Variants in SSH2 observed in about 807,000 individuals in gnomAD.
SSH2 encodes the protein protein phosphatase Slingshot homolog 2.
A neutral mutation model predicts 135.2 loss-of-function variants in SSH2; 37 were observed. The ratio of observed to expected loss-of-function variants is 0.27; its 90% CI spans 0.21 to 0.36. SSH2 has a LOEUF of 0.36. Ranked by LOEUF, SSH2 falls within the 10% of genes least tolerant of loss-of-function variation. The pLI is 1.00. For missense variants in SSH2, 1,408 were observed against 1,765.3 expected, an observed-to-expected ratio of 0.80 and a Z score of 3.63; for synonymous variants, 628 against 646.2, an observed-to-expected ratio of 0.97 and a Z score of 0.43.
At chr17:29,801,249 T>C (rs969172087) in intron 2 of SSH2, among the ~76,000 whole-genome samples, 5 of 152,212 alleles carry the variant, frequency 3.3e-5, no homozygotes, top group African/African-American at 9.7e-5. Flanking sequence ...AAATAAAATA[T>C]GTCTGGAAAA....
intron 3 of SSH2, among the ~76,000 whole-genome samples, chr17:29,719,551 G>A (rs2039749469): frequency 6.6e-6 from 1 of 151,728 alleles, no homozygotes; most frequent in Non-Finnish European, 1.5e-5. Context: ...AAGAAAAGGG[G>A]ACTTTGTAAC....
At chr17:29,734,222 A>G (rs2040294349) in intron 3 of SSH2, among the ~76,000 whole-genome samples, 1 of 152,096 alleles carries the variant, frequency 6.6e-6, no homozygotes, top group Admixed American at 6.6e-5. Context: ...CATCTGGCCT[A>G]ATTTCTAAGT....
At chr17:29,805,497 C>T (rs531432512) in intron 2 of SSH2, among the ~76,000 whole-genome samples, 2 of 152,170 alleles carry the variant, frequency 1.3e-5, no homozygotes, top group African/African-American at 4.8e-5. Context: ...GACGTTGGTC[C>T]GCTGGTGTGC....
intron 3 of SSH2, chr17:29,761,168 T>C (rs1391540472): frequency 1.6e-6 from 2 of 1,289,520 alleles, no homozygotes; most frequent in Admixed American, 2.3e-5. Context: ...GATGGCGTTC[T>C]GCGAGATGAC....
At chr17:29,754,575 T>C (rs911080879) in intron 3 of SSH2, among the ~76,000 whole-genome samples, 1 of 152,100 alleles carries the variant, frequency 6.6e-6, no homozygotes, top group Non-Finnish European at 1.5e-5. Context: ...TAAGATAACC[T>C]CAACAGCAAA....
At chr17:29,813,030 A>AT (rs1435056221) in intron 2 of SSH2, among the ~76,000 whole-genome samples, 2 of 152,256 alleles carry the variant, frequency 1.3e-5, no homozygotes, top group Admixed American at 1.3e-4. Flanking sequence ...CGTATATAAA[A>AT]GAATGAATTA....
intron 3 of SSH2, chr17:29,761,265 T>G: frequency 7.8e-7 from 1 of 1,288,706 alleles, no homozygotes; most frequent in South Asian, 1.2e-5. Context: ...CGGGCCAACG[T>G]GCTCAGGGTC....
chr17:29,808,542 A>C (rs1323874752), intron 2 of SSH2, among the ~76,000 whole-genome samples: 1 of 152,262 alleles, frequency 6.6e-6, no homozygotes, highest in Non-Finnish European at 1.5e-5. Flanking sequence ...AATGCCAACA[A>C]CAGCACTCAT....
At chr17:29,692,400 A>G (rs1193772387) in intron 5 of SSH2, among the ~76,000 whole-genome samples, 1 of 152,224 alleles carries the variant, frequency 6.6e-6, no homozygotes, top group Non-Finnish European at 1.5e-5. Flanking sequence ...TGTGTTTGTA[A>G]CAACTCAAAA....
intron 3 of SSH2, among the ~76,000 whole-genome samples, chr17:29,749,033 C>T (rs573367010): frequency 1.3e-5 from 2 of 152,120 alleles, no homozygotes; most frequent in East Asian, 1.9e-4. Context: ...AATATTATTC[C>T]GTAGATATAA....
intron 9 of SSH2, among the ~76,000 whole-genome samples, chr17:29,670,385 C>A (rs1048730944): frequency 6.6e-6 from 1 of 152,074 alleles, no homozygotes; most frequent in African/African-American, 2.4e-5. Flanking sequence ...CTTGAAAAGA[C>A]CAAGGCTACT....
chr17:29,831,906 T>C (rs1358534486), intron 2 of SSH2, among the ~76,000 whole-genome samples: 2 of 152,172 alleles, frequency 1.3e-5, no homozygotes, highest in Non-Finnish European at 2.9e-5. Flanking sequence ...AGGCCTCTTG[T>C]GTGTTTTCAT....
At position 29,904,571 on chromosome 17, in the gene SSH2, A is replaced by C. The variant is rs192503957; in HGVS notation, c.63+25367T>G. 9.8e-4 allele frequency among the ~76,000 whole-genome samples: 150 copies of C among 152,350 alleles called. 2 individuals carry two copies. In the Middle Eastern group the frequency reaches 0.01, roughly 10 times the overall value. ...TACTGAATGGGTAAAAGCTGGAAGCATTCCCCTTGAAAACCGGCACAAGAC... is the reference window on the plus strand; with the variant it reads ...TACTGAATGGGTAAAAGCTGGAAGCCTTCCCCTTGAAAACCGGCACAAGAC... On this transcript the variant is annotated intron_variant, in intron 1 of 15. Transcript: ENST00000540801.
intron 1 of SSH2, among the ~76,000 whole-genome samples, chr17:29,878,840 A>G (rs1255199597): frequency 4.6e-5 from 7 of 152,206 alleles, no homozygotes; most frequent in Non-Finnish European, 1.0e-4. Context: ...CAATTGTTTA[A>G]TTTTCTGAGC....
At chr17:29,750,453 A>T (rs1445846261) in intron 3 of SSH2, among the ~76,000 whole-genome samples, 8 of 148,942 alleles carry the variant, frequency 5.4e-5, no homozygotes, top group Admixed American at 1.3e-4. Flanking sequence ...AAAAAAAAAA[A>T]TTTTTTTTTA....
chr17:29,807,890 A>G (rs1024253039), intron 2 of SSH2, among the ~76,000 whole-genome samples: 1 of 150,088 alleles, frequency 6.7e-6, no homozygotes, highest in Admixed American at 6.6e-5. Flanking sequence ...CAATCGAGAA[A>G]AGTTAGGTAG....
At chr17:29,654,978 C>A (rs2036723465) in intron 12 of SSH2, among the ~76,000 whole-genome samples, 1 of 152,154 alleles carries the variant, frequency 6.6e-6, no homozygotes, top group Non-Finnish European at 1.5e-5. Flanking sequence ...TGTATTCTTG[C>A]ATAAAAATAA....
In SSH2 at chr17:29,680,551, CAAAAAAAAAAAAA is replaced by C. The variant is rs1160865828; in HGVS notation, c.480-2823_480-2811del. On this transcript the variant is annotated intron_variant, in intron 6 of 15. Transcript: ENST00000540801. ...TGGGAGACACAGCAAGACTCCCTCT[CAAAAAAAAAAAAA>C]AAAAAAAAAAAAAAAAGAGTGATTC... Among the ~76,000 whole-genome samples, 36 of 21,542 alleles carry C rather than the reference CAAAAAAAAAAAAA, an allele frequency of 1.7e-3. No individual in the cohort carries two copies. The East Asian group carries it at 0.027, about 16-fold the overall frequency. The allele number at this position is 21,542 out of a possible 152,430, so 14.1% of individuals were successfully genotyped here.
chr17:29,908,638 C>T (rs2066700495), intron 1 of SSH2, among the ~76,000 whole-genome samples: 1 of 151,676 alleles, frequency 6.6e-6, no homozygotes, highest in South Asian at 2.1e-4. Flanking sequence ...GTGATGTGCA[C>T]CTGTAATCCC....
Sources: allele counts gnomAD v4.1 joint callset (sites outside exome capture counted in the v4.1 genomes callset), GRCh38; gene constraint gnomAD v4.1.1; transcripts MANE v1.5; gene names NCBI Gene and HGNC (gene_info 2026-07-23, HGNC 2026-07-21).